Variants in NELL1 observed in about 807,000 individuals in gnomAD.
The protein encoded by NELL1 is protein kinase C-binding protein NELL1.
In NELL1, 76 loss-of-function variants were observed where a neutral mutation model predicts 107.4. That is an observed-to-expected ratio of 0.71 (90% confidence interval 0.59 to 0.86). The LOEUF (loss-of-function observed/expected upper bound fraction) is 0.86, where lower values mean the gene tolerates loss of function less well. Ranked by LOEUF, NELL1 falls within the 40% of genes least tolerant of loss-of-function variation. The probability of loss-of-function intolerance (pLI) is 0.00; values close to 1 mark genes in which losing one functional copy is unlikely to be tolerated. For synonymous variants in NELL1, 353 were observed against 341.2 expected, an observed-to-expected ratio of 1.03 and a Z score of -0.38; for missense variants, 1,024 against 1,005.5, an observed-to-expected ratio of 1.02 and a Z score of -0.25.
intron 14 of NELL1, among the ~76,000 whole-genome samples, chr11:21,282,657 C>A (rs1172917608): frequency 3.3e-5 from 5 of 152,076 alleles, no homozygotes; most frequent in African/African-American, 4.8e-5. Flanking sequence ...TAGCATCTAG[C>A]AATCCCACTG....
At chr11:20,712,013 A>G (rs981265750) in intron 2 of NELL1, among the ~76,000 whole-genome samples, 1 of 152,116 alleles carries the variant, frequency 6.6e-6, no homozygotes, top group African/African-American at 2.4e-5. Context: ...AAGGCCAGTG[A>G]GGTTTTCCTC....
chr11:21,186,451 G>A (rs1229172433), intron 13 of NELL1, among the ~76,000 whole-genome samples: 1 of 151,680 alleles, frequency 6.6e-6, no homozygotes, highest in Non-Finnish European at 1.5e-5. Context: ...TCTTTATATT[G>A]GTAAACTTAT....
At chr11:21,248,664 G>A (rs1245459557) in intron 14 of NELL1, among the ~76,000 whole-genome samples, 3 of 152,116 alleles carry the variant, frequency 2.0e-5, no homozygotes, top group East Asian at 3.9e-4. Context: ...GCCACCCAGC[G>A]TTCTTTTACC....
At chr11:20,956,611 A>C (rs1008365193) in intron 11 of NELL1, among the ~76,000 whole-genome samples, 2 of 149,918 alleles carry the variant, frequency 1.3e-5, no homozygotes, top group African/African-American at 4.9e-5. Flanking sequence ...ACGCCACTGC[A>C]CTCCAGCCTG....
At chr11:20,965,676 C>G (rs1348254513) in intron 12 of NELL1, among the ~76,000 whole-genome samples, 1 of 152,186 alleles carries the variant, frequency 6.6e-6, no homozygotes, top group Non-Finnish European at 1.5e-5. Context: ...ACAAAACTGA[C>G]ATGTCTGAAA....
chr11:21,118,907 A>C (rs1855298519), intron 13 of NELL1, among the ~76,000 whole-genome samples: 1 of 152,102 alleles, frequency 6.6e-6, no homozygotes, highest in South Asian at 2.1e-4. Flanking sequence ...TAAAGAAGAT[A>C]TATCAGCTTT....
intron 2 of NELL1, among the ~76,000 whole-genome samples, chr11:20,727,836 C>T (rs966723747): frequency 1.3e-5 from 2 of 152,106 alleles, no homozygotes; most frequent in Non-Finnish European, 2.9e-5. Flanking sequence ...TTTCCCGGAA[C>T]CTCAAATGGT....
Position 20,782,440 on chromosome 11 carries a change from C to CA in NELL1, c.185-1234dup, listed in dbSNP as rs1856869852. On this transcript the variant is annotated intron_variant, in intron 2 of 19. Coordinates refer to ENST00000357134, the MANE Select transcript of NELL1 (RefSeq NM_006157.5). ...GTGTTATAAAATTGAAGCAGCAATT[C>CA]AAAAAATTATAGAAGGCTAAGGTGG... 2.0e-5 allele frequency among the ~76,000 whole-genome samples: 3 copies of CA among 152,202 alleles called. No individual in the cohort carries two copies. In the South Asian group the frequency reaches 6.2e-4, roughly 32 times the overall value.
chr11:21,465,669 T>C (rs1854011361), intron 15 of NELL1, among the ~76,000 whole-genome samples: 1 of 152,102 alleles, frequency 6.6e-6, no homozygotes, highest in African/African-American at 2.4e-5. Context: ...AGTTATTTTC[T>C]GAAGAGAAAA....
intron 12 of NELL1, among the ~76,000 whole-genome samples, chr11:20,991,991 C>CAAAA (rs57278158): frequency 0.023 from 2,477 of 109,806 alleles, 81 homozygotes; most frequent in African/African-American, 0.052. Context: ...GTGTAGCATG[C>CAAAA]AAAAAAAAAA....
chr11:21,549,838 AGGG>A (rs1856532290), intron 16 of NELL1, among the ~76,000 whole-genome samples: 2 of 148,144 alleles, frequency 1.4e-5, no homozygotes, highest in South Asian at 4.3e-4. Context: ...TTATTGCAAT[AGGG>A]AAGAGGGCCC....
At chr11:20,720,202 G>GTTTTTTTTTTTTTTTTTT (rs72275946) in intron 2 of NELL1, among the ~76,000 whole-genome samples, 3 of 141,058 alleles carry the variant, frequency 2.1e-5, no homozygotes, top group Non-Finnish European at 3.0e-5. Flanking sequence ...GTTCATTCCT[G>GTTTTTTTTTTTTTTTTTT]TTTTTTTTTT....
At chr11:20,836,657 T>A (rs966836792) in intron 3 of NELL1, among the ~76,000 whole-genome samples, 2 of 152,192 alleles carry the variant, frequency 1.3e-5, no homozygotes, top group African/African-American at 4.8e-5. Flanking sequence ...TGGATGAATC[T>A]TTAATGCATG....
chr11:21,487,146 G>C (rs1040030089), intron 15 of NELL1, among the ~76,000 whole-genome samples: 7 of 152,050 alleles, frequency 4.6e-5, no homozygotes, highest in Non-Finnish European at 8.8e-5. Context: ...ACTCCATAAA[G>C]GTCTTCTCTG....
At chr11:20,712,566 T>C (rs943544751) in intron 2 of NELL1, among the ~76,000 whole-genome samples, 6 of 152,190 alleles carry the variant, frequency 3.9e-5, no homozygotes, top group Non-Finnish European at 8.8e-5. Context: ...TGTCATGTTA[T>C]CAGAATTACT....
In NELL1 at chr11:21,325,547, G is replaced by A. The variant is rs147599416; in HGVS notation, c.1550-45306G>A. Among the ~76,000 whole-genome samples, 23 of 147,238 alleles carry A rather than the reference G, an allele frequency of 1.6e-4. 1 individual carries two copies. Among genetic ancestry groups the A allele is most frequent in the Admixed American group, 1.5e-3 (22 of 14,602 alleles). Reference sequence around the variant, plus strand: ...ATTTTTTAAGGTGAACCTTTTCATTGCTAATAAGATTGATTTTTTTCCCCA... The same window carrying A: ...ATTTTTTAAGGTGAACCTTTTCATTACTAATAAGATTGATTTTTTTCCCCA... On this transcript the variant is annotated intron_variant, in intron 14 of 19. Transcript: ENST00000357134.
chr11:20,992,153 A>G (rs1024166818), intron 12 of NELL1, among the ~76,000 whole-genome samples: 7 of 152,198 alleles, frequency 4.6e-5, no homozygotes, highest in African/African-American at 1.7e-4. Context: ...CAGGGCTTCT[A>G]AGATGGGGAG....
At chr11:20,913,288 C>T (rs201961783) in intron 5 of NELL1, among the ~76,000 whole-genome samples, 1 of 151,816 alleles carries the variant, frequency 6.6e-6, no homozygotes, top group Non-Finnish European at 1.5e-5. Flanking sequence ...TTTTAGCATA[C>T]AAAAAAATAG....
At chr11:21,046,675 C>T (rs1229585501) in intron 12 of NELL1, among the ~76,000 whole-genome samples, 1 of 125,632 alleles carries the variant, frequency 8.0e-6, no homozygotes, top group Non-Finnish European at 1.7e-5. Flanking sequence ...TTTATTTACT[C>T]AATTATTTAT....
Sources: allele counts gnomAD v4.1 joint callset (sites outside exome capture counted in the v4.1 genomes callset), GRCh38; gene constraint gnomAD v4.1.1; transcripts MANE v1.5; gene names NCBI Gene and HGNC (gene_info 2026-07-23, HGNC 2026-07-21).